KLHL4: variants seen among roughly 807,000 people sequenced by gnomAD.
The protein encoded by KLHL4 is kelch-like protein 4.
In KLHL4, 17 loss-of-function variants were observed where a neutral mutation model predicts 45.8. That is an observed-to-expected ratio of 0.37 (90% CI 0.25 to 0.56). KLHL4 has a LOEUF of 0.56. KLHL4 is among the 20% of genes least tolerant of loss of function. The probability of loss-of-function intolerance (pLI) is 0.79; values close to 1 mark genes in which losing one functional copy is unlikely to be tolerated. For synonymous variants in KLHL4, 224 were observed against 189.9 expected (o/e 1.18, Z -1.47); for missense variants, 544 against 544.9 (o/e 1.00, Z 0.02).
At chrX:87,526,843 C>T (rs1569333624) in intron 1 of KLHL4, among the ~76,000 whole-genome samples, 1 of 111,524 alleles carries the variant, frequency 9.0e-6, no homozygotes, top group Admixed American at 9.6e-5. Flanking sequence ...AAGATAGGGA[C>T]TCTGGACATT....
At chrX:87,651,602 A>G (rs1270896186) in intron 9 of KLHL4, among the ~76,000 whole-genome samples, 1 of 112,430 alleles carries the variant, frequency 8.9e-6, no homozygotes, top group Non-Finnish European at 1.9e-5. Context: ...GGGCAGTCAA[A>G]TCTTAAAGCT....
At chrX:87,598,711 C>T (rs960805716) in intron 1 of KLHL4, among the ~76,000 whole-genome samples, 2 of 111,390 alleles carry the variant, frequency 1.8e-5, no homozygotes, top group Non-Finnish European at 3.8e-5. Context: ...AAACTCTCAG[C>T]TTAGCTTTTG....
chrX:87,650,705 G>T (rs1484406632), intron 9 of KLHL4, among the ~76,000 whole-genome samples: 1 of 111,270 alleles, frequency 9.0e-6, no homozygotes, highest in Non-Finnish European at 1.9e-5. Context: ...ATAGTTTTGG[G>T]TTAAACATTT....
At chrX:87,556,197 A>G (rs999086503) in intron 1 of KLHL4, among the ~76,000 whole-genome samples, 2 of 111,029 alleles carry the variant, frequency 1.8e-5, no homozygotes, top group Non-Finnish European at 3.8e-5. Context: ...ACTATAAATC[A>G]TGCTGCTATA....
intron 2 of KLHL4, 30 bp from the exon 3 acceptor site, chrX:87,614,404 T>G: frequency 8.4e-7 from 1 of 1,192,846 alleles, no homozygotes; most frequent in East Asian, 3.0e-5. Flanking sequence ...TTGACTCATT[T>G]AAATTCCTAC....
intron 1 of KLHL4, among the ~76,000 whole-genome samples, chrX:87,569,925 T>A (rs1274208196): frequency 9.0e-6 from 1 of 111,420 alleles, no homozygotes; most frequent in Non-Finnish European, 1.9e-5. Context: ...ACATTGTGAC[T>A]TTCCTAAAAG....
intron 1 of KLHL4, among the ~76,000 whole-genome samples, chrX:87,528,706 C>CAAAAAAA (rs1160857135): frequency 4.4e-4 from 14 of 31,501 alleles, no homozygotes; most frequent in Non-Finnish European, 6.0e-4. Flanking sequence ...CAAAGCGAGA[C>CAAAAAAA]AAAAAAAAAA....
intron 9 of KLHL4, among the ~76,000 whole-genome samples, chrX:87,648,268 C>T (rs1923701292): frequency 9.0e-6 from 1 of 111,072 alleles, no homozygotes; most frequent in Non-Finnish European, 1.9e-5. Flanking sequence ...TGGAAACAGA[C>T]ATAATTGTGG....
rs1410556397 is a variant in KLHL4, at chrX:87,654,354, T to A, written c.1926-10410T>A. On this transcript the variant is annotated intron_variant, in intron 9 of 10. Transcript: ENST00000373119. ...CTACTCCACTTCCTATATCCATGTGTATGCATTATTTACCTCCCACTTATA... is the reference window on the plus strand; with the variant it reads ...CTACTCCACTTCCTATATCCATGTGAATGCATTATTTACCTCCCACTTATA... Among the ~76,000 whole-genome samples, 3 of 111,547 alleles carry A rather than the reference T, an allele frequency of 2.7e-5. No individual in the cohort carries two copies. The Admixed American group carries it at 2.9e-4, about 11-fold the overall frequency.
intron 1 of KLHL4, among the ~76,000 whole-genome samples, chrX:87,606,656 AAT>A (rs1284806178): frequency 1.8e-5 from 2 of 111,120 alleles, no homozygotes; most frequent in African/African-American, 6.5e-5. Context: ...TTAAATTATG[AAT>A]AAATAGAAAC....
chrX:87,640,815 A>T (rs1044135150), intron 9 of KLHL4, among the ~76,000 whole-genome samples: 2 of 111,656 alleles, frequency 1.8e-5, no homozygotes, highest in African/African-American at 6.5e-5. Context: ...CTTCTATTCA[A>T]CATAGTATTG....
At chrX:87,628,714 T>C (rs1923013186) in intron 6 of KLHL4, among the ~76,000 whole-genome samples, 1 of 111,594 alleles carries the variant, frequency 9.0e-6, no homozygotes, top group African/African-American at 3.3e-5. Context: ...TATTGAAATT[T>C]TAAAAATTTG....
At chrX:87,646,018 C>A (rs373810129) in intron 9 of KLHL4, among the ~76,000 whole-genome samples, 1 of 110,622 alleles carries the variant, frequency 9.0e-6, no homozygotes, top group Non-Finnish European at 1.9e-5. Context: ...ACTCATGTAA[C>A]GAAATACCAC....
Position 87,668,679 on chromosome X carries a change from G to C in KLHL4, c.*2145G>C, listed in dbSNP as rs1263419197. ...GATTAATGGATTATTATGAGTGGGG[G>C]ACTGGTGACTTTATATGAAAAGGAA... On this transcript the variant is annotated 3_prime_UTR_variant, in exon 11 of 11. Transcript: ENST00000373119. The C allele has an allele frequency of 7.4e-6, 1 of 135,396 alleles. No homozygotes were observed. Among genetic ancestry groups the C allele is most frequent in the Non-Finnish European group, 1.3e-5 (1 of 76,273 alleles). 11.2% of individuals were successfully genotyped at this position (135,396 alleles called of 1,213,427 possible).
intron 9 of KLHL4, among the ~76,000 whole-genome samples, chrX:87,662,022 A>G (rs964215938): frequency 7.2e-5 from 8 of 111,771 alleles, no homozygotes; most frequent in Non-Finnish European, 1.3e-4. Context: ...TAATTACTCA[A>G]TAGGAGTGAC....
At chrX:87,559,393 T>G (rs1455909913) in intron 1 of KLHL4, among the ~76,000 whole-genome samples, 1 of 111,471 alleles carries the variant, frequency 9.0e-6, no homozygotes, top group African/African-American at 3.3e-5. Flanking sequence ...TTGACAGCCT[T>G]AGTTGTGATT....
intron 1 of KLHL4, among the ~76,000 whole-genome samples, chrX:87,524,107 T>C (rs1931060126): frequency 9.0e-6 from 1 of 111,550 alleles, no homozygotes; most frequent in Admixed American, 9.6e-5. Flanking sequence ...AAGCTGCACA[T>C]AGTGACTTCT....
intron 1 of KLHL4, among the ~76,000 whole-genome samples, chrX:87,602,296 T>G (rs1922044272): frequency 9.0e-6 from 1 of 111,537 alleles, no homozygotes; most frequent in Admixed American, 9.5e-5. Context: ...TCACTACTTA[T>G]AAAGTCCACA....
chrX:87,635,364 A>G (rs770020747), intron 8 of KLHL4, among the ~76,000 whole-genome samples, 199 bp from the exon 9 acceptor site: 287 of 111,904 alleles, frequency 2.6e-3, no homozygotes, highest in Non-Finnish European at 4.6e-3. Flanking sequence ...AGATTTTAAC[A>G]GGTGCCCTCA....
Sources: allele counts gnomAD v4.1 joint callset (sites outside exome capture counted in the v4.1 genomes callset), GRCh38; gene constraint gnomAD v4.1.1; transcripts MANE v1.5; gene names NCBI Gene and HGNC (gene_info 2026-07-23, HGNC 2026-07-21).